The following HMGB1 variants were observed in gnomAD, a reference collection of about 807,000 sequenced individuals.
HMGB1 encodes high mobility group protein B1.
For synonymous variants in HMGB1, 81 were observed against 84.0 expected (o/e 0.96, Z 0.19); for missense variants, 79 against 253.5 (o/e 0.31, Z 4.67).
intron 1 of HMGB1, chr13:30,464,149 A>C: frequency 1.0e-6 from 1 of 985,328 alleles, no homozygotes; most frequent in Non-Finnish European, 1.2e-6. Context: ...GACCTTAAAA[A>C]AAAAAAATCA....
intron 1 of HMGB1, among the ~76,000 whole-genome samples, chr13:30,494,706 C>T (rs1396839212): frequency 6.6e-6 from 1 of 152,202 alleles, no homozygotes; most frequent in East Asian, 1.9e-4. Flanking sequence ...AGTAAATTCA[C>T]ATGATTGTGC....
upstream of HMGB1, among the ~76,000 whole-genome samples, chr13:30,467,676 T>C (rs1318469901): frequency 1.3e-5 from 2 of 152,236 alleles, no homozygotes; most frequent in Admixed American, 6.5e-5. Context: ...TAAATCTAGA[T>C]ATTTATTTCA....
At chr13:30,475,984 T>C (rs1887086984) in intron 1 of HMGB1, among the ~76,000 whole-genome samples, 1 of 152,204 alleles carries the variant, frequency 6.6e-6, no homozygotes, top group Non-Finnish European at 1.5e-5. Context: ...AAGCATTTCA[T>C]ATGATTGTAA....
At position 30,497,073 on chromosome 13, in the gene HMGB1, T is replaced by C. The variant is rs1245124167; in HGVS notation, c.-14-33379A>G. 2.0e-5 allele frequency among the ~76,000 whole-genome samples: 3 copies of C among 152,158 alleles called. No individual in the cohort carries two copies. In the East Asian group the frequency reaches 5.8e-4, roughly 29 times the overall value. ...GAGACCTTGATCCTCAGTCATCTCA[T>C]TTTCCAAAATGATCCCCTATCTCTT... On this transcript the variant is annotated intron_variant, in intron 1 of 4. Transcript: ENST00000405805.
chr13:30,538,493 TC>T (rs1868581649), intron 1 of HMGB1, among the ~76,000 whole-genome samples: 1 of 47,422 alleles, frequency 2.1e-5, no homozygotes, highest in African/African-American at 5.6e-5. Flanking sequence ...TTTCTTTCTT[TC>T]TTTCTTTCTT....
intron 1 of HMGB1, among the ~76,000 whole-genome samples, chr13:30,552,725 T>G (rs1409216522): frequency 6.6e-6 from 1 of 152,254 alleles, no homozygotes. Context: ...AATGAATGCA[T>G]GATGAGACAT....
chr13:30,555,190 C>G (rs568685040), intron 1 of HMGB1, among the ~76,000 whole-genome samples: 1 of 151,892 alleles, frequency 6.6e-6, no homozygotes, highest in East Asian at 1.9e-4. Flanking sequence ...TACAGGCGCC[C>G]GCCACCAAGC....
intron 1 of HMGB1, among the ~76,000 whole-genome samples, chr13:30,595,664 G>A (rs1478358024): frequency 6.6e-6 from 1 of 152,130 alleles, no homozygotes; most frequent in Non-Finnish European, 1.5e-5. Context: ...CGGCTGGGAC[G>A]GCCATCCTTT....
At chr13:30,554,045 G>A in intron 1 of HMGB1, 2 of 1,421,912 alleles carry the variant, frequency 1.4e-6, no homozygotes, top group South Asian at 1.1e-5. Flanking sequence ...AATGTGCGCA[G>A]TACTGGCCAA....
chr13:30,596,236 TAAAG>T (rs777667498), intron 1 of HMGB1, among the ~76,000 whole-genome samples: 1 of 152,210 alleles, frequency 6.6e-6, no homozygotes, highest in African/African-American at 2.4e-5. Context: ...AGAATATATA[TAAAG>T]AAAGACTTAC....
chr13:30,482,692 T>G (rs1887259199), intron 1 of HMGB1, among the ~76,000 whole-genome samples: 1 of 152,158 alleles, frequency 6.6e-6, no homozygotes, highest in Admixed American at 6.5e-5. Flanking sequence ...AAAGATGCAC[T>G]CCAAAGGTAG....
At chr13:30,485,037 T>TC (rs1173507481) in intron 1 of HMGB1, among the ~76,000 whole-genome samples, 1 of 148,600 alleles carries the variant, frequency 6.7e-6, no homozygotes, top group East Asian at 2.0e-4. Flanking sequence ...TCTTTTTCTT[T>TC]TTTTTTTTTT....
At chr13:30,606,010 G>A (rs1456735917) in intron 1 of HMGB1, among the ~76,000 whole-genome samples, 1 of 152,042 alleles carries the variant, frequency 6.6e-6, no homozygotes, top group African/African-American at 2.4e-5. Flanking sequence ...TTATATAGCT[G>A]GGTATATTAC....
intron 1 of HMGB1, among the ~76,000 whole-genome samples, chr13:30,495,447 C>T (rs1057504853): frequency 1.3e-5 from 2 of 151,868 alleles, no homozygotes; most frequent in African/African-American, 4.8e-5. Flanking sequence ...TCCTCCAGAG[C>T]GACACTGAAT....
intron 1 of HMGB1, among the ~76,000 whole-genome samples, chr13:30,518,715 T>C (rs1047454747): frequency 1.3e-5 from 2 of 151,820 alleles, no homozygotes; most frequent in Admixed American, 6.6e-5. Context: ...AGAAACCTTT[T>C]TTTTTTTGAT....
At chr13:30,553,719 C>A in intron 1 of HMGB1, 1 of 1,139,928 alleles carries the variant, frequency 8.8e-7, no homozygotes, top group South Asian at 1.2e-5. Flanking sequence ...TGCTCAGCAT[C>A]GCTGGCAGCT....
At chr13:30,613,653 A>C (rs976866837) in intron 1 of HMGB1, among the ~76,000 whole-genome samples, 1 of 152,224 alleles carries the variant, frequency 6.6e-6, no homozygotes. Context: ...ATGTATGTAC[A>C]TACATGCTCT....
At chr13:30,519,486 G>C (rs1009425026) in intron 1 of HMGB1, among the ~76,000 whole-genome samples, 3 of 150,548 alleles carry the variant, frequency 2.0e-5, no homozygotes, top group Non-Finnish European at 4.4e-5. Context: ...ACGAGGTCAG[G>C]AGATCGAGAC....
At chr13:30,506,964 C>T (rs1431750044) in intron 1 of HMGB1, among the ~76,000 whole-genome samples, 2 of 152,170 alleles carry the variant, frequency 1.3e-5, no homozygotes, top group African/African-American at 2.4e-5. Flanking sequence ...TAAGACCATC[C>T]TCACTCTGAA....
Sources: allele counts gnomAD v4.1 joint callset (sites outside exome capture counted in the v4.1 genomes callset), GRCh38; gene constraint gnomAD v4.1.1; transcripts MANE v1.5; gene names NCBI Gene and HGNC (gene_info 2026-07-23, HGNC 2026-07-21).